Variants in ZNF676 observed in about 807,000 individuals in gnomAD.
ZNF676 encodes zinc finger protein 676.
A neutral mutation model predicts 6.0 loss-of-function variants in ZNF676; 4 were observed. The observed-to-expected ratio is 0.67, with a 90% CI of 0.33 to 1.53. The LOEUF is 1.53. Among genes scored for constraint, ZNF676 ranks in the 40% most tolerant of loss-of-function variants. The probability of loss-of-function intolerance (pLI) is 0.06; values close to 1 mark genes in which losing one functional copy is unlikely to be tolerated. For missense variants in ZNF676, 644 were observed against 679.7 expected (o/e 0.95, Z 0.58); for synonymous variants, 198 against 223.1 (o/e 0.89, Z 1.00).
At chr19:22,228,498 T>C in the ZNF676 span, among the ~76,000 whole-genome samples, 53 of 152,214 alleles carry the variant, frequency 3.5e-4, no homozygotes, top group African/African-American at 1.1e-3. Flanking sequence ...TTGGAAGTTC[T>C]GGCCAGGACA....
the ZNF676 span, among the ~76,000 whole-genome samples, chr19:22,242,125 C>T: frequency 6.6e-6 from 1 of 151,908 alleles, no homozygotes; most frequent in Non-Finnish European, 1.5e-5. Flanking sequence ...CAGTATCTCT[C>T]CTGGTGACTG....
At chr19:22,216,828 C>T (rs959352041), upstream of ZNF676, among the ~76,000 whole-genome samples, 17 of 149,796 alleles carry the variant, frequency 1.1e-4, no homozygotes, top group South Asian at 2.2e-4. Context: ...ACCAGCTATT[C>T]GGGGGCTAAA....
At chr19:22,253,735 T>A in the ZNF676 span, among the ~76,000 whole-genome samples, 2 of 151,902 alleles carry the variant, frequency 1.3e-5, no homozygotes, top group African/African-American at 4.8e-5. Context: ...GTGGGCTGTG[T>A]CAATGTGTGA....
upstream of ZNF676, among the ~76,000 whole-genome samples, chr19:22,201,780 T>A (rs1208030076): frequency 7.3e-6 from 1 of 137,498 alleles, no homozygotes; most frequent in East Asian, 2.2e-4. Context: ...AATGAGCTGA[T>A]ACGAAATTGG....
chr19:22,246,644 C>T, the ZNF676 span, among the ~76,000 whole-genome samples: 1 of 152,196 alleles, frequency 6.6e-6, no homozygotes, highest in Non-Finnish European at 1.5e-5. Context: ...ATGTCACAAT[C>T]TCCACTGTAG....
intron 2 of ZNF676, among the ~76,000 whole-genome samples, chr19:22,183,019 AAGG>A (rs1391577396): frequency 2.5e-4 from 38 of 152,142 alleles, no homozygotes; most frequent in Non-Finnish European, 4.7e-4. Context: ...CAGACATAAT[AAGG>A]AGGACTTTTT....
upstream of ZNF676, among the ~76,000 whole-genome samples, chr19:22,201,723 T>A (rs2024027151): frequency 8.4e-6 from 1 of 119,176 alleles, no homozygotes; most frequent in African/African-American, 3.6e-5. Flanking sequence ...CAAGTGGATT[T>A]GTAAAGGCAA....
At chr19:22,235,787 G>A in the ZNF676 span, among the ~76,000 whole-genome samples, 18 of 152,192 alleles carry the variant, frequency 1.2e-4, no homozygotes, top group African/African-American at 4.1e-4. Context: ...ATATCCATCA[G>A]GTAGGACAGT....
intron 1 of ZNF676, among the ~76,000 whole-genome samples, chr19:22,196,084 G>A (rs927461566): frequency 5.3e-5 from 8 of 152,128 alleles, no homozygotes; most frequent in Non-Finnish European, 7.4e-5. Context: ...CTGGCCTTAC[G>A]TTTATTTGAT....
At chr19:22,253,404 G>GTATA in the ZNF676 span, among the ~76,000 whole-genome samples, 15 of 97,012 alleles carry the variant, frequency 1.5e-4, no homozygotes, top group Admixed American at 5.8e-4. Context: ...ATGATAATGT[G>GTATA]TATATATATA....
At chr19:22,202,626 T>G (rs2024037345) in intron 1 of ZNF676, among the ~76,000 whole-genome samples, 1 of 152,208 alleles carries the variant, frequency 6.6e-6, no homozygotes, top group Admixed American at 6.5e-5. Context: ...TATTACACAA[T>G]TACATGTGAA....
At chr19:22,217,392 A>G (rs1454575961), upstream of ZNF676, among the ~76,000 whole-genome samples, 1 of 151,904 alleles carries the variant, frequency 6.6e-6, no homozygotes, top group African/African-American at 2.4e-5. Context: ...TAGTAGAGAC[A>G]GGGTTTCTCC....
chr19:22,200,402 T>G (rs969170319), upstream of ZNF676, among the ~76,000 whole-genome samples: 3 of 152,064 alleles, frequency 2.0e-5, no homozygotes, highest in African/African-American at 7.2e-5. Flanking sequence ...CCCAAGTTGT[T>G]TTTTGCACAT....
chr19:22,192,945 G>A, intron 2 of ZNF676, 71 bp downstream of exon 2: 1 of 1,405,742 alleles, frequency 7.1e-7, no homozygotes, highest in Non-Finnish European at 9.4e-7. Context: ...CTTCCCAAAT[G>A]ACTTTAAGGA....
Position 22,181,491 on chromosome 19 carries a change from G to A in ZNF676, c.226C>T (p.His76Tyr), listed in dbSNP as rs2023751338. 5 of 1,613,408 alleles carry A rather than the reference G, an allele frequency of 3.1e-6. No individual in the cohort carries two copies. Among genetic ancestry groups the A allele is most frequent in the Non-Finnish European group, 3.4e-6 (4 of 1,179,728 alleles). ...CTAATTTTTAAGTGTAAATTCTCAT[G>A]TCCACATTTGTCATATCTTCTCAAT... ...MILRRYDKCG[H>Y]ENLHLKISCT... Residue 76 changes from histidine (H) to tyrosine (Y), a missense_variant, in exon 3 of 3, where the codon CAT becomes TAT. By Grantham distance (83) the His-to-Tyr change is moderately conservative. Transcript: ENST00000397121.
the ZNF676 span, chr19:22,259,784 A>T: frequency 6.6e-6 from 1 of 152,184 alleles, no homozygotes; most frequent in African/African-American, 2.4e-5. Flanking sequence ...TCTGAGAAGA[A>T]GGTCAAGGTA....
At chr19:22,235,273 G>T in the ZNF676 span, among the ~76,000 whole-genome samples, 2 of 152,150 alleles carry the variant, frequency 1.3e-5, no homozygotes, top group Admixed American at 6.5e-5. Context: ...GGATCTCCTG[G>T]GTAATATGGC....
At chr19:22,246,658 G>A in the ZNF676 span, among the ~76,000 whole-genome samples, 1 of 152,204 alleles carries the variant, frequency 6.6e-6, no homozygotes, top group African/African-American at 2.4e-5. Flanking sequence ...ACTGTAGGAA[G>A]GTCTCAGGAA....
chr19:22,202,490 T>G (rs978622105), intron 1 of ZNF676, among the ~76,000 whole-genome samples: 38 of 152,124 alleles, frequency 2.5e-4, no homozygotes, highest in African/African-American at 8.2e-4. Flanking sequence ...TAAAGCTTAG[T>G]TGGTACCCTA....
Sources: gnomAD v4.1 joint callset for allele counts (sites outside exome capture counted in the v4.1 genomes callset) on GRCh38, gnomAD v4.1.1 for gene constraint, MANE v1.5 for transcripts, NCBI Gene and HGNC (gene_info 2026-07-23, HGNC 2026-07-21) for gene names.